The following ST6GALNAC3 variants were observed in gnomAD, a reference collection of about 807,000 sequenced individuals.
The protein encoded by ST6GALNAC3 is alpha-N-acetylgalactosaminide alpha-2,6-sialyltransferase 3.
Under a neutral mutation model 32.7 loss-of-function variants are expected in ST6GALNAC3, and 25 were observed. That is an observed-to-expected ratio of 0.76 (90% CI 0.56 to 1.07). ST6GALNAC3 has a LOEUF of 1.07. Ranked by LOEUF, ST6GALNAC3 falls within the 50% of genes least tolerant of loss-of-function variation. ST6GALNAC3 has a pLI of 0.00. For synonymous variants in ST6GALNAC3, 129 were observed against 133.1 expected (o/e 0.97, Z 0.21); for missense variants, 355 against 382.4 (o/e 0.93, Z 0.60).
intron 2 of ST6GALNAC3, among the ~76,000 whole-genome samples, chr1:76,406,382 T>C (rs1653835169): frequency 2.0e-5 from 3 of 152,126 alleles, no homozygotes; most frequent in Admixed American, 6.6e-5. Flanking sequence ...AATTATTTAT[T>C]GCTTGAGAAT....
chr1:76,272,341 A>AAT (rs1386355049), intron 1 of ST6GALNAC3, among the ~76,000 whole-genome samples: 1 of 151,778 alleles, frequency 6.6e-6, no homozygotes, highest in East Asian at 1.9e-4. Flanking sequence ...AAAAAAAAAA[A>AAT]AAAATTAAAA....
At chr1:76,194,892 T>A (rs1014498407) in intron 1 of ST6GALNAC3, among the ~76,000 whole-genome samples, 2 of 152,354 alleles carry the variant, frequency 1.3e-5, no homozygotes, top group Admixed American at 6.5e-5. Context: ...CTGGTCTAGC[T>A]TGCACTTTGA....
intron 2 of ST6GALNAC3, among the ~76,000 whole-genome samples, chr1:76,321,544 A>G (rs1288949377): frequency 1.3e-5 from 2 of 152,186 alleles, no homozygotes; most frequent in African/African-American, 4.8e-5. Context: ...ACCACCACCA[A>G]ATGTTCAGTA....
rs891406786 is a variant in ST6GALNAC3 at position 76,531,805 on chromosome 1, G to A, written c.624-95647G>A. On this transcript the variant is annotated intron_variant, in intron 3 of 4. Coordinates refer to ENST00000328299, the MANE Select transcript of ST6GALNAC3 (RefSeq NM_152996.4). The stretch of plus-strand genomic sequence containing the variant: ...TGGGAGGTCAAAGGTCAAGGTAAAG[G>A]CCCAGGCTGCACCACTTCTGGACTC... 7.2e-5 allele frequency among the ~76,000 whole-genome samples: 11 copies of A among 152,152 alleles called. No homozygotes were observed. The East Asian group carries it at 9.6e-4, about 13-fold the overall frequency.
intron 1 of ST6GALNAC3, among the ~76,000 whole-genome samples, chr1:76,145,659 G>A (rs1024949586): frequency 6.6e-6 from 1 of 152,160 alleles, no homozygotes; most frequent in South Asian, 2.1e-4. Flanking sequence ...ATATGTCTGC[G>A]TTAATGCTGT....
intron 1 of ST6GALNAC3, among the ~76,000 whole-genome samples, chr1:76,204,840 T>A (rs1260480422): frequency 1.3e-5 from 2 of 152,340 alleles, no homozygotes; most frequent in East Asian, 3.9e-4. Flanking sequence ...TAGATTTTCA[T>A]AGCACTTCAT....
intron 3 of ST6GALNAC3, among the ~76,000 whole-genome samples, chr1:76,523,563 T>A (rs1370144482): frequency 2.6e-5 from 4 of 152,178 alleles, no homozygotes; most frequent in Non-Finnish European, 5.9e-5. Context: ...TGCTAGAAGT[T>A]TTGATTAAGA....
intron 1 of ST6GALNAC3, among the ~76,000 whole-genome samples, chr1:76,113,308 C>T (rs1471542036): frequency 1.6e-5 from 2 of 124,812 alleles, no homozygotes; most frequent in Admixed American, 1.0e-4. Context: ...AGCTTCCGCT[C>T]GGCATCAGAG....
At chr1:76,254,828 A>C (rs535358043) in intron 1 of ST6GALNAC3, among the ~76,000 whole-genome samples, 1 of 152,228 alleles carries the variant, frequency 6.6e-6, no homozygotes, top group Admixed American at 6.6e-5. Context: ...GTGAAGCAAC[A>C]AGGGCCTCTT....
intron 2 of ST6GALNAC3, among the ~76,000 whole-genome samples, chr1:76,391,533 TTCCTTCCTTCC>T (rs1381946221): frequency 1.4e-5 from 1 of 69,298 alleles, no homozygotes; most frequent in Admixed American, 1.7e-4. Context: ...CCTTCCTTCC[TTCCTTCCTTCC>T]TTCCTTCCTT....
chr1:76,529,408 T>G (rs1375500018), intron 3 of ST6GALNAC3, among the ~76,000 whole-genome samples: 1 of 152,120 alleles, frequency 6.6e-6, no homozygotes, highest in Non-Finnish European at 1.5e-5. Context: ...TTTTAAAAGG[T>G]GAAGTGCTAT....
At chr1:76,487,901 T>A (rs180911670) in intron 3 of ST6GALNAC3, among the ~76,000 whole-genome samples, 6 of 152,266 alleles carry the variant, frequency 3.9e-5, no homozygotes, top group Admixed American at 2.0e-4. Context: ...CAGATGGGGT[T>A]TTGGTGTGGG....
At chr1:76,339,893 C>T (rs1647815528) in intron 2 of ST6GALNAC3, among the ~76,000 whole-genome samples, 1 of 152,182 alleles carries the variant, frequency 6.6e-6, no homozygotes, top group Non-Finnish European at 1.5e-5. Context: ...AGAGCAGGTT[C>T]TGTGATAAGG....
At chr1:76,229,740 C>G (rs1570511059) in intron 1 of ST6GALNAC3, among the ~76,000 whole-genome samples, 1 of 152,256 alleles carries the variant, frequency 6.6e-6, no homozygotes, top group South Asian at 2.1e-4. Flanking sequence ...GGGGCTGTGG[C>G]TGACCTGTGA....
At chr1:76,498,281 A>T (rs1009856206) in intron 3 of ST6GALNAC3, among the ~76,000 whole-genome samples, 1 of 152,152 alleles carries the variant, frequency 6.6e-6, no homozygotes, top group Non-Finnish European at 1.5e-5. Flanking sequence ...AATACAGCTG[A>T]TGCTCTATTT....
intron 3 of ST6GALNAC3, among the ~76,000 whole-genome samples, chr1:76,547,974 A>G (rs1410026535): frequency 1.3e-5 from 2 of 152,006 alleles, no homozygotes; most frequent in Non-Finnish European, 2.9e-5. Flanking sequence ...GCTTTGAGCC[A>G]TTCTTTGTTT....
chr1:76,504,813 T>C (rs901439780), intron 3 of ST6GALNAC3, among the ~76,000 whole-genome samples: 4 of 152,192 alleles, frequency 2.6e-5, no homozygotes, highest in Non-Finnish European at 4.4e-5. Context: ...TATCTATTAG[T>C]GTCAATACTA....
chr1:76,368,294 C>G (rs1650540321), intron 2 of ST6GALNAC3, among the ~76,000 whole-genome samples: 1 of 152,218 alleles, frequency 6.6e-6, no homozygotes, highest in Admixed American at 6.6e-5. Context: ...GGTCCCAGGC[C>G]ATAGTTTGCT....
At chr1:76,323,865 AT>A (rs573131969) in intron 2 of ST6GALNAC3, among the ~76,000 whole-genome samples, 188 of 148,602 alleles carry the variant, frequency 1.3e-3, no homozygotes, top group East Asian at 8.5e-3. Context: ...TATTACTAGA[AT>A]TTTTTTTTTT....
Sources: allele counts gnomAD v4.1 joint callset (sites outside exome capture counted in the v4.1 genomes callset), GRCh38; gene constraint gnomAD v4.1.1; transcripts MANE v1.5; gene names NCBI Gene and HGNC (gene_info 2026-07-23, HGNC 2026-07-21).